The following NOL4 variants were observed in gnomAD, a reference collection of about 807,000 sequenced individuals.
The protein encoded by NOL4 is nucleolar protein 4, also known as cancer/testis antigen 125.
A neutral mutation model predicts 75.9 loss-of-function variants in NOL4; 17 were observed. That is an observed-to-expected ratio of 0.22 (90% CI 0.15 to 0.34). NOL4 has a LOEUF of 0.34. Ranked by LOEUF, NOL4 falls within the 10% of genes least tolerant of loss-of-function variation. NOL4 has a pLI of 1.00. For synonymous variants in NOL4, 292 were observed against 289.9 expected, an observed-to-expected ratio of 1.01 and a Z score of -0.07; for missense variants, 614 against 793.5, an observed-to-expected ratio of 0.77 and a Z score of 2.72.
chr18:34,174,862 C>CT (rs947788813), intron 1 of NOL4, among the ~76,000 whole-genome samples: 1 of 152,044 alleles, frequency 6.6e-6, no homozygotes, highest in Non-Finnish European at 1.5e-5. Context: ...TGAATTCATC[C>CT]TTTTTTATGG....
chr18:34,111,758 G>C (rs1381278323), intron 2 of NOL4, among the ~76,000 whole-genome samples: 1 of 151,994 alleles, frequency 6.6e-6, no homozygotes, highest in African/African-American at 2.4e-5. Context: ...CTAATCATCA[G>C]AGAAATAAAA....
intron 6 of NOL4, among the ~76,000 whole-genome samples, chr18:34,013,387 T>C (rs2074490508): frequency 6.6e-6 from 1 of 151,922 alleles, no homozygotes; most frequent in Non-Finnish European, 1.5e-5. Flanking sequence ...AGTCATCTTG[T>C]AAAACACACG....
chr18:33,911,534 T>C (rs1329542472), intron 9 of NOL4, among the ~76,000 whole-genome samples: 1 of 152,214 alleles, frequency 6.6e-6, no homozygotes, highest in East Asian at 1.9e-4. Context: ...TATGTTTTTG[T>C]ATCCCAGGAG....
At chr18:34,086,467 A>T (rs1002496223) in intron 5 of NOL4, among the ~76,000 whole-genome samples, 1 of 152,156 alleles carries the variant, frequency 6.6e-6, no homozygotes, top group African/African-American at 2.4e-5. Context: ...TCTGATTAAA[A>T]TTCACCATCA....
At chr18:33,971,374 T>G (rs1466545878) in intron 6 of NOL4, among the ~76,000 whole-genome samples, 1 of 152,214 alleles carries the variant, frequency 6.6e-6, no homozygotes, top group Non-Finnish European at 1.5e-5. Context: ...TTGTAGAAAG[T>G]GTTCTGTGTA....
chr18:33,860,894 T>G (rs2063091927), intron 10 of NOL4, among the ~76,000 whole-genome samples: 3 of 152,296 alleles, frequency 2.0e-5, no homozygotes, highest in African/African-American at 7.2e-5. Context: ...GAGATAATCA[T>G]GTGGTTTTTG....
intron 10 of NOL4, among the ~76,000 whole-genome samples, chr18:33,874,180 T>C (rs989488): frequency 0.2 from 30,432 of 151,662 alleles, 3,497 homozygotes; most frequent in East Asian, 0.39. Flanking sequence ...TTGGTCATTA[T>C]GCAGAACACA....
At chr18:33,983,263 T>C (rs1427047219) in intron 6 of NOL4, among the ~76,000 whole-genome samples, 1 of 152,116 alleles carries the variant, frequency 6.6e-6, no homozygotes, top group Non-Finnish European at 1.5e-5. Context: ...TACTATAATA[T>C]AAGTATACAC....
intron 1 of NOL4, among the ~76,000 whole-genome samples, chr18:34,191,642 C>A (rs2146406179): frequency 6.6e-6 from 1 of 152,174 alleles, no homozygotes; most frequent in African/African-American, 2.4e-5. Flanking sequence ...TTCTTTTAAT[C>A]TCTTTATTTA....
chr18:34,076,125 T>G (rs2077732694), intron 5 of NOL4, among the ~76,000 whole-genome samples: 1 of 152,098 alleles, frequency 6.6e-6, no homozygotes, highest in Non-Finnish European at 1.5e-5. Context: ...TGTGAGTAAA[T>G]TACAGAAGGG....
At chr18:34,146,664 C>A (rs2081410342) in intron 1 of NOL4, among the ~76,000 whole-genome samples, 1 of 151,662 alleles carries the variant, frequency 6.6e-6, no homozygotes, top group Admixed American at 6.6e-5. Context: ...TAGTGTGATG[C>A]CTCCAGCTTT....
At chr18:33,875,621 G>A (rs186826633) in intron 10 of NOL4, among the ~76,000 whole-genome samples, 7 of 152,120 alleles carry the variant, frequency 4.6e-5, no homozygotes, top group African/African-American at 1.7e-4. Context: ...GAATCCCCAA[G>A]TTCAGTTTAA....
chr18:34,082,974 C>T (rs2078078612), intron 5 of NOL4, among the ~76,000 whole-genome samples: 1 of 152,074 alleles, frequency 6.6e-6, no homozygotes, highest in African/African-American at 2.4e-5. Context: ...CATAACAATG[C>T]AGTGGTTGAA....
chr18:34,214,993 C>T (rs1219155402), intron 1 of NOL4, among the ~76,000 whole-genome samples: 2 of 152,054 alleles, frequency 1.3e-5, no homozygotes, highest in South Asian at 2.1e-4. Flanking sequence ...TAAAATGGCA[C>T]TTCACCAAGT....
At chr18:34,010,886 T>C (rs1351153676) in intron 6 of NOL4, among the ~76,000 whole-genome samples, 2 of 151,886 alleles carry the variant, frequency 1.3e-5, no homozygotes, top group Non-Finnish European at 2.9e-5. Context: ...CTTTTGCCTA[T>C]TGTTTAAATT....
intron 9 of NOL4, among the ~76,000 whole-genome samples, chr18:33,920,931 A>G (rs764920641): frequency 3.9e-5 from 6 of 152,218 alleles, no homozygotes; most frequent in African/African-American, 7.2e-5. Flanking sequence ...GCCACTGCCC[A>G]GGCTGGCCAA....
At chr18:34,075,590 C>G (rs944227826) in intron 5 of NOL4, among the ~76,000 whole-genome samples, 4 of 152,132 alleles carry the variant, frequency 2.6e-5, no homozygotes, top group African/African-American at 9.7e-5. Flanking sequence ...GAATGTTCAA[C>G]CTATGTCATG....
At chr18:33,904,311 TATTTTG>T (rs1012476788) in intron 9 of NOL4, among the ~76,000 whole-genome samples, 3 of 152,060 alleles carry the variant, frequency 2.0e-5, no homozygotes, top group Non-Finnish European at 4.4e-5. Flanking sequence ...GTCTCTGGCA[TATTTTG>T]ACCAAAAAGA....
chr18:34,085,675 A>G (rs1001365424), intron 5 of NOL4, among the ~76,000 whole-genome samples: 1 of 152,228 alleles, frequency 6.6e-6, no homozygotes, highest in African/African-American at 2.4e-5. Flanking sequence ...GTCACTAAAA[A>G]AGGTAGAGCA....
Sources: gnomAD v4.1 joint callset for allele counts (sites outside exome capture counted in the v4.1 genomes callset) on GRCh38, gnomAD v4.1.1 for gene constraint, MANE v1.5 for transcripts, NCBI Gene and HGNC (gene_info 2026-07-23, HGNC 2026-07-21) for gene names.